GNAS: variants seen among roughly 807,000 people sequenced by gnomAD.
The protein encoded by GNAS is protein ALEX.
In GNAS, 8 loss-of-function variants were observed where a neutral mutation model predicts 54.5. The observed-to-expected ratio is 0.15, with a 90% confidence interval of 0.09 to 0.26. The LOEUF is 0.26. Ranked by LOEUF, GNAS falls within the 10% of genes least tolerant of loss-of-function variation. The pLI, the probability that GNAS is intolerant of heterozygous loss-of-function variation, is 1.00. For synonymous variants in GNAS, 204 were observed against 191.4 expected, an observed-to-expected ratio of 1.07 and a Z score of -0.54; for missense variants, 170 against 529.8, an observed-to-expected ratio of 0.32 and a Z score of 6.67.
At chr20:58,864,788 T>A (rs184040761) in intron 1 of GNAS, among the ~76,000 whole-genome samples, 1 of 152,180 alleles carries the variant, frequency 6.6e-6, no homozygotes, top group Non-Finnish European at 1.5e-5. Flanking sequence ...TAGTTAGCTA[T>A]ATGCCAGGAT....
chr20:58,869,750 C>T (rs2087311872), intron 1 of GNAS, among the ~76,000 whole-genome samples: 1 of 152,230 alleles, frequency 6.6e-6, no homozygotes, highest in Non-Finnish European at 1.5e-5. Flanking sequence ...CTCAACCCCT[C>T]TCCACTTCTC....
upstream of GNAS, chr20:58,889,503 T>C (rs2088908193): frequency 4.2e-6 from 1 of 238,366 alleles, no homozygotes; most frequent in Non-Finnish European, 6.8e-6. Flanking sequence ...CTCTCTTTTC[T>C]CTTCTCCATT....
chr20:58,898,758 CAG>C, intron 2 of GNAS, 181 bp from the exon 3 acceptor site: 1 of 693,724 alleles, frequency 1.4e-6, no homozygotes, highest in Non-Finnish European at 2.6e-6. Flanking sequence ...CCTGCAGTCT[CAG>C]TGGATGTTCC....
At chr20:58,868,273 C>A (rs2087189155) in intron 1 of GNAS, among the ~76,000 whole-genome samples, 1 of 152,146 alleles carries the variant, frequency 6.6e-6, no homozygotes, top group Non-Finnish European at 1.5e-5. Flanking sequence ...CCTGCCTCAG[C>A]CTCCCAAAGT....
chr20:58,841,330 T>C lies in GNAS; in HGVS notation c.43+444T>C. On this transcript the variant is annotated intron_variant, in intron 1 of 12. Transcript: ENST00000306090. The surrounding 1 kb of genome is among the most constrained non-coding windows in gnomAD (Gnocchi z 5.0). ...GGTTCGGAGGTGCGCGCGCCAACTT[T>C]CACGATGTGAGAGCAGCCGCGCTGT... is the stretch of plus-strand genomic sequence containing the variant. 12 of 1,057,594 alleles carry C rather than the reference T, an allele frequency of 1.1e-5. No homozygotes were observed. Among genetic ancestry groups the C allele is most frequent in the Non-Finnish European group, 1.4e-5 (12 of 874,580 alleles). The allele number at this position is 1,057,594 out of a possible 1,614,324, so 65.5% of individuals were successfully genotyped here.
intron 6 of GNAS, among the ~76,000 whole-genome samples, chr20:58,906,270 C>T (rs996135639): frequency 2.0e-5 from 3 of 152,122 alleles, no homozygotes; most frequent in South Asian, 2.1e-4. Context: ...GGTGTGTTGG[C>T]AAATGAAGAA....
chr20:58,850,829 C>T (rs2086132249), intron 1 of GNAS: 2 of 398,726 alleles, frequency 5.0e-6, no homozygotes, highest in South Asian at 1.3e-4. Context: ...GGCCTAGCCG[C>T]CATACACCCG....
rs1203509666 is a variant in GNAS at position 58,854,728 on chromosome 20, C to G, written c.43+13842C>G. ...GCTGAGACCCGGGCAGCCCATGTCG[C>G]CCCAGCTGCGCCAGACGCAGGGGCT... On this transcript the variant is annotated intron_variant, in intron 1 of 12. Transcript: ENST00000306090. The G allele has an allele frequency of 1.3e-6, 2 of 1,536,080 alleles. No individual in the cohort carries two copies. Among genetic ancestry groups the G allele is most frequent in the African/African-American group, 2.7e-5 (2 of 73,008 alleles).
upstream of GNAS, among the ~76,000 whole-genome samples, chr20:58,890,276 C>T (rs2089039590): frequency 1.3e-5 from 2 of 150,698 alleles, no homozygotes; most frequent in African/African-American, 4.9e-5. Context: ...CGGCCGCCGC[C>T]GACGACGACG....
intron 1 of GNAS, chr20:58,842,504 G>A (rs1200109314): frequency 5.0e-6 from 2 of 398,508 alleles, no homozygotes; most frequent in East Asian, 7.1e-5. Context: ...AGTTCTGCCG[G>A]GCTGCAGCGC....
chr20:58,903,880 G>T, intron 5 of GNAS, 89 bp downstream of exon 5: 5 of 1,400,840 alleles, frequency 3.6e-6, no homozygotes, highest in Non-Finnish European at 5.1e-6. Flanking sequence ...CCTGCACATG[G>T]GCAGGAGCAT....
Position 58,909,897 on chromosome 20 carries a change from C to G in GNAS, c.840-54C>G. The G allele has an allele frequency of 6.2e-7, 1 of 1,613,120 alleles. No homozygotes were observed. Among genetic ancestry groups the G allele is most frequent in the East Asian group, 2.2e-5 (1 of 44,878 alleles). On this transcript the variant is annotated intron_variant, in intron 10 of 12. Transcript: ENST00000371085. The surrounding 1 kb of genome is among the most constrained non-coding windows in gnomAD (Gnocchi z 7.3). ...AGAACCCCGTGCAAGCATTCCAGAC[C>G]CCTGGCCGAAAGCGCGCTTCTCCCA...
chr20:58,875,792 C>T (rs531113451), intron 1 of GNAS, among the ~76,000 whole-genome samples: 10 of 152,292 alleles, frequency 6.6e-5, no homozygotes, highest in South Asian at 4.1e-4. Context: ...TTTTCTCCAG[C>T]GTCCACGGCT....
chr20:58,909,678 G>C lies in GNAS; in HGVS notation c.719-6G>C, dbSNP rs748394754. On this transcript the variant is annotated splice_region_variant and splice_polypyrimidine_tract_variant and intron_variant, in intron 9 of 12. Transcript: ENST00000371085. This position sits in a 1 kb window ranked among gnomAD's most constrained non-coding sequence, Gnocchi z 7.3. Reference sequence around the variant, plus strand: ...CACGCTCTTGGCTTTGCTCTCTTTGGTTAAGATGTGACTGCCATCATCTTC... The same window carrying C: ...CACGCTCTTGGCTTTGCTCTCTTTGCTTAAGATGTGACTGCCATCATCTTC... 12 of 1,614,128 alleles carry C rather than the reference G, an allele frequency of 7.4e-6. No homozygotes were observed. The South Asian group carries it at 1.3e-4, about 18-fold the overall frequency.
chr20:58,910,154 C>A lies in GNAS; in HGVS notation c.970+73C>A. Reference sequence around the variant, plus strand: ...TTTCAAACGGTCAGGCTGAAAACCCCCATCCCCCTCCCACCACCAAACCAT... The same window carrying A: ...TTTCAAACGGTCAGGCTGAAAACCCACATCCCCCTCCCACCACCAAACCAT... On this transcript the variant is annotated intron_variant, in intron 11 of 12. Coordinates refer to ENST00000371085, the MANE Select transcript of GNAS (RefSeq NM_000516.7). The surrounding 1 kb of genome is among the most constrained non-coding windows in gnomAD (Gnocchi z 5.8). 1 of 1,479,260 alleles carries A rather than the reference C, an allele frequency of 6.8e-7. No homozygotes were observed. The highest frequency in any genetic ancestry group is 9.5e-7 in the Non-Finnish European group (1 of 1,057,422). 91.6% of individuals were successfully genotyped at this position (1,479,260 alleles called of 1,614,324 possible).
intron 3 of GNAS, chr20:58,900,206 T>TA: frequency 1.8e-6 from 1 of 551,460 alleles, no homozygotes; most frequent in Non-Finnish European, 3.2e-6. Context: ...AAGAAATGAC[T>TA]AATTGACAAT....
chr20:58,901,576 C>T (rs1398802601), intron 3 of GNAS, among the ~76,000 whole-genome samples: 1 of 149,346 alleles, frequency 6.7e-6, no homozygotes, highest in African/African-American at 2.5e-5. Context: ...ACCCCAGACA[C>T]CCCCCACCAC....
chr20:58,840,479 T>G (rs775455733), upstream of GNAS: 8 of 1,613,064 alleles, frequency 5.0e-6, no homozygotes, highest in Non-Finnish European at 2.5e-6. The surrounding 1 kb of genome is among the most constrained non-coding windows in gnomAD (Gnocchi z 6.0). Context: ...CGAGACCGAC[T>G]TCGAGACCGA....
chr20:58,871,154 G>A (rs6015391), intron 1 of GNAS, among the ~76,000 whole-genome samples: 3,831 of 152,250 alleles, frequency 0.025, 156 homozygotes, highest in African/African-American at 0.087. Context: ...AAAGAATTGA[G>A]GTTCCCTCCC....
Sources: gnomAD v4.1 joint callset for allele counts (sites outside exome capture counted in the v4.1 genomes callset) on GRCh38, gnomAD v4.1.1 for gene constraint, Gnocchi (gnomAD v3.1) non-coding constraint, MANE v1.5 for transcripts, NCBI Gene and HGNC (gene_info 2026-07-23, HGNC 2026-07-21) for gene names.